Variants in GJB1 observed in about 807,000 individuals in gnomAD.
GJB1 encodes gap junction beta-1 protein.
In GJB1, 1 loss-of-function variant was observed where a neutral mutation model predicts 12.0. That is an observed-to-expected ratio of 0.08 (90% confidence interval 0.03 to 0.40). GJB1 has a LOEUF of 0.40. Ranked by LOEUF, GJB1 falls within the 10% of genes least tolerant of loss-of-function variation. The pLI is 0.98. For missense variants in GJB1, 140 were observed against 250.3 expected, an observed-to-expected ratio of 0.56 and a Z score of 2.97; for synonymous variants, 114 against 102.8, an observed-to-expected ratio of 1.11 and a Z score of -0.66.
chrX:71,221,129 G>A (rs1420569014), upstream of GJB1, among the ~76,000 whole-genome samples: 68 of 109,019 alleles, frequency 6.2e-4, no homozygotes, highest in Admixed American at 2.1e-3. Context: ...CTCGTGATCC[G>A]CCCGCCTTGG....
In GJB1 at chrX:71,225,288, A is replaced by G. The variant is rs1296348315; in HGVS notation, c.*729A>G. 24 of 123,421 alleles carry G rather than the reference A, an allele frequency of 1.9e-4. No individual in the cohort carries two copies. Among genetic ancestry groups the G allele is most frequent in the Non-Finnish European group, 1.9e-5 (1 of 53,419 alleles). The allele number at this position is 123,421 out of a possible 1,213,427, so 10.2% of individuals were successfully genotyped here. A position where few individuals can be genotyped will look rare whatever the true frequency, so the allele number is the denominator to read the frequency against. On this transcript the variant is annotated 3_prime_UTR_variant, in exon 2 of 2. Coordinates refer to ENST00000361726, the MANE Select transcript of GJB1 (RefSeq NM_000166.6). ...AGCTGGCCTTGGTTTTTTACTGATT[A>G]AGAAAGGAACAGGGCAAAAGAAGTA...
upstream of GJB1, among the ~76,000 whole-genome samples, chrX:71,218,584 A>T (rs1391513011): frequency 9.3e-6 from 1 of 107,207 alleles, no homozygotes; most frequent in Non-Finnish European, 1.9e-5. Flanking sequence ...CCTGTCTCAA[A>T]AGAAAAAAAA....
At chrX:71,221,211 T>G (rs2092537347), upstream of GJB1, among the ~76,000 whole-genome samples, 1 of 112,306 alleles carries the variant, frequency 8.9e-6, no homozygotes, top group Non-Finnish European at 1.9e-5. Context: ...TATGGCTAAC[T>G]GTGGTGCCTA....
At chrX:71,222,058 C>T (rs747101297), upstream of GJB1, among the ~76,000 whole-genome samples, 10 of 110,452 alleles carry the variant, frequency 9.1e-5, no homozygotes, top group African/African-American at 3.3e-4. Flanking sequence ...GGGAGGATCG[C>T]TGGAGCCCAG....
upstream of GJB1, among the ~76,000 whole-genome samples, chrX:71,218,650 G>A (rs1406600084): frequency 9.1e-6 from 1 of 109,868 alleles, no homozygotes; most frequent in Non-Finnish European, 1.9e-5. Flanking sequence ...TTCGGAGGCC[G>A]AGGCGGGCGG....
upstream of GJB1, among the ~76,000 whole-genome samples, chrX:71,219,265 C>T (rs1456543381): frequency 1.8e-5 from 2 of 108,225 alleles, no homozygotes; most frequent in African/African-American, 6.8e-5. Context: ...AAGAGATCTG[C>T]CTGCCACAGC....
At chrX:71,217,148 C>T (rs994725557) in intron 1 of GJB1, among the ~76,000 whole-genome samples, 1 of 74,875 alleles carries the variant, frequency 1.3e-5, no homozygotes, top group Non-Finnish European at 2.6e-5. Flanking sequence ...GTGCGTGTGC[C>T]AGCACACGCA....
chrX:71,219,482 T>TGGCCAGG (rs2092532116), upstream of GJB1, among the ~76,000 whole-genome samples: 1 of 108,748 alleles, frequency 9.2e-6, no homozygotes, highest in Non-Finnish European at 1.9e-5. Context: ...AAGAATAACC[T>TGGCCAGG]GGCCAGGGGC....
chrX:71,224,584 T>C lies in GJB1; in HGVS notation c.*25T>C. Reference sequence around the variant, plus strand: ...ATGCCACATACCAGGCAACCTCCCATCCCACCCCCGACCCTGCCCTGGGCG... The same window carrying C: ...ATGCCACATACCAGGCAACCTCCCACCCCACCCCCGACCCTGCCCTGGGCG... On this transcript the variant is annotated 3_prime_UTR_variant, in exon 2 of 2. Coordinates refer to ENST00000361726, the MANE Select transcript of GJB1 (RefSeq NM_000166.6). The C allele has an allele frequency of 1.1e-6, 1 of 888,085 alleles. No individual in the cohort carries two copies. Among genetic ancestry groups the C allele is most frequent in the Non-Finnish European group, 1.6e-6 (1 of 620,196 alleles). 73.2% of individuals were successfully genotyped at this position (888,085 alleles called of 1,213,427 possible).
upstream of GJB1, among the ~76,000 whole-genome samples, chrX:71,220,779 G>A (rs1307278807): frequency 9.2e-6 from 1 of 109,087 alleles, no homozygotes; most frequent in African/African-American, 3.4e-5. Context: ...GGGATTGCAG[G>A]CGTGAGCCCC....
chrX:71,224,416 C>T lies in GJB1; in HGVS notation c.709C>T (p.His237Tyr). Residue 237 changes from histidine to tyrosine, a missense_variant, in exon 2 of 2, where the codon CAC becomes TAC. His to Tyr is a moderately conservative substitution (Grantham distance 83). Around this residue, in one of 4 missense-constraint regions of GJB1, gnomAD observed 75 missense variants for 78.8 expected, o/e 0.95. Transcript: ENST00000361726. The stretch of plus-strand genomic sequence containing the variant: ...TTCCCGCAAGGGCTCGGGCTTCGGC[C>T]ACCGCCTCTCACCTGAATACAAGCA... The part of the protein sequence containing the change: ...PPSRKGSGFG[H>Y]RLSPEYKQNE... The T allele has an allele frequency of 8.3e-7, 1 of 1,209,618 alleles. No homozygotes were observed. The highest frequency in any genetic ancestry group is 1.1e-6 in the Non-Finnish European group (1 of 894,736).
chrX:71,221,848 T>C (rs1299585104), upstream of GJB1, among the ~76,000 whole-genome samples: 1 of 110,312 alleles, frequency 9.1e-6, no homozygotes, highest in Admixed American at 9.8e-5. Flanking sequence ...AACAACAGCA[T>C]TGGGGACTGC....
At chrX:71,218,758 C>T (rs41318647), upstream of GJB1, among the ~76,000 whole-genome samples, 28,188 of 106,548 alleles carry the variant, frequency 0.26, 4,882 homozygotes, top group African/African-American at 0.61. Flanking sequence ...GTTGCGGGGG[C>T]GCCTGTAGTC....
chrX:71,224,647 C>A lies in GJB1; in HGVS notation c.*88C>A. On this transcript the variant is annotated 3_prime_UTR_variant, in exon 2 of 2. Transcript: ENST00000361726. ...TCCCCTGCCGGTGCACAGGCCTCTG[C>A]CTGCTGGGGATTACTCGATCAAAAC... 8.6e-6 allele frequency: 7 copies of A among 809,277 alleles called. No individual in the cohort carries two copies. In the South Asian group the frequency reaches 1.6e-4, roughly 18 times the overall value. The allele number at this position is 809,277 out of a possible 1,213,427, so 66.7% of individuals were successfully genotyped here.
In GJB1 at chrX:71,224,400, G is replaced by C. The variant is rs982086080; in HGVS notation, c.693G>C (p.Lys231Asn). The C allele has an allele frequency of 8.3e-7, 1 of 1,210,575 alleles. No individual in the cohort carries two copies. Among genetic ancestry groups the C allele is most frequent in the Non-Finnish European group, 1.1e-6 (1 of 895,200 alleles). The stretch of plus-strand genomic sequence containing the variant: ...GCCGCTCCAATCCACCTTCCCGCAA[G>C]GGCTCGGGCTTCGGCCACCGCCTCT... ...AQRRSNPPSR[K>N]GSGFGHRLSP... The change falls in exon 2 of 2, where the codon AAG (lysine) becomes AAC (asparagine). Residue 231 changes from lysine to asparagine, a missense_variant. Lys to Asn is a moderately conservative substitution (Grantham distance 94). Transcript: ENST00000361726.
Position 71,224,733 on chromosome X carries a change from G to A in GJB1, c.*174G>A. ...CTTCCTTTTGAGGAGCTGGAGGGGT[G>A]GGGAGCTAGAGGCCACCTATGCCAG... is the stretch of plus-strand genomic sequence containing the variant. On this transcript the variant is annotated 3_prime_UTR_variant, in exon 2 of 2. Coordinates refer to ENST00000361726, the MANE Select transcript of GJB1 (RefSeq NM_000166.6). 2.0e-6 allele frequency: 1 copy of A among 507,920 alleles called. No homozygotes were observed. The highest frequency in any genetic ancestry group is 3.4e-6 in the Non-Finnish European group (1 of 290,797). 41.9% of individuals were successfully genotyped at this position (507,920 alleles called of 1,213,427 possible).
At chrX:71,220,142 C>CTTTTTTTTTTTTTT (rs41353351), upstream of GJB1, among the ~76,000 whole-genome samples, 20 of 52,799 alleles carry the variant, frequency 3.8e-4, no homozygotes, top group African/African-American at 2.3e-3. Flanking sequence ...TGTGCCTGGC[C>CTTTTTTTTTTTTTT]TTTTTTTTTT....
chrX:71,224,464 A>G lies in GJB1; in HGVS notation c.757A>G (p.Ser253Gly), dbSNP rs1233208182. 1 of 1,205,873 alleles carries G rather than the reference A, an allele frequency of 8.3e-7. No individual in the cohort carries two copies. The highest frequency in any genetic ancestry group is 1.8e-5 in the African/African-American group (1 of 56,947). The change falls in exon 2 of 2, where the codon AGT becomes GGT. Residue 253 changes from serine to glycine, a missense_variant. Around this residue, in one of 4 missense-constraint regions of GJB1, gnomAD observed 75 missense variants for 78.8 expected, o/e 0.95. Coordinates refer to ENST00000361726, the MANE Select transcript of GJB1 (RefSeq NM_000166.6). ...YKQNEINKLL[S>G]EQDGSLKDIL... ...GCAGAATGAGATCAACAAGCTGCTG[A>G]GTGAGCAGGATGGCTCCCTGAAAGA...
chrX:71,217,139 T>TGTGTGTGTGTGTGTGTGTGC (rs1491575067), intron 1 of GJB1, among the ~76,000 whole-genome samples: 2 of 106,649 alleles, frequency 1.9e-5, no homozygotes, highest in African/African-American at 6.9e-5. Context: ...TGTGTGTGTG[T>TGTGTGTGTGTGTGTGTGTGC]GCGTGTGCCA....
Sources: gnomAD v4.1 joint callset for allele counts (sites outside exome capture counted in the v4.1 genomes callset) on GRCh38, gnomAD v4.1.1 for gene constraint, gnomAD v4.1.1 regional missense constraint, MANE v1.5 for transcripts, NCBI Gene and HGNC (gene_info 2026-07-23, HGNC 2026-07-21) for gene names.